The following IRS2 variants were observed in gnomAD, a reference collection of about 807,000 sequenced individuals.
The protein encoded by IRS2 is insulin receptor substrate 2.
Under a neutral mutation model 70.9 loss-of-function variants are expected in IRS2, and 28 were observed. The observed-to-expected ratio is 0.39, with a 90% CI of 0.29 to 0.54. The LOEUF is 0.54. Ranked by LOEUF, IRS2 falls within the 20% of genes least tolerant of loss-of-function variation. The probability of loss-of-function intolerance (pLI) is 0.59; values close to 1 mark genes in which losing one functional copy is unlikely to be tolerated. For missense variants in IRS2, 2,081 were observed against 2,024.1 expected (o/e 1.03, Z -0.54); for synonymous variants, 1,217 against 981.9 (o/e 1.24, Z -4.48).
In IRS2 at chr13:109,782,989, G is replaced by A. The variant is rs2138931362; in HGVS notation, c.3065C>T (p.Ser1022Phe). ...CTGCAGAGACGACGACGGGGACGCGGACGGACGCGGGGGCAACGGCGGATA... is the reference window on the plus strand; with the variant it reads ...CTGCAGAGACGACGACGGGGACGCGAACGGACGCGGGGGCAACGGCGGATA... ...SPYPPLPPRPSASPSSSLQPP... is the reference protein window; with the variant it reads ...SPYPPLPPRPFASPSSSLQPP... The change falls in exon 1 of 2, where the codon TCC (serine) becomes TTC (phenylalanine). Residue 1022 changes from serine (S) to phenylalanine (F), a missense_variant. By Grantham distance (155) the Ser-to-Phe change is radical. This residue lies in a region of IRS2 where 1,615 missense variants were observed against 1,459.5 expected (regional missense o/e 1.11). Transcript: ENST00000375856. 2 of 1,378,962 alleles carry A rather than the reference G, an allele frequency of 1.5e-6. No individual in the cohort carries two copies. Among genetic ancestry groups the A allele is most frequent in the Non-Finnish European group, 1.9e-6 (2 of 1,070,754 alleles). 85.4% of individuals were successfully genotyped at this position (1,378,962 alleles called of 1,614,324 possible). A position where few individuals can be genotyped will look rare whatever the true frequency, so the allele number is the denominator to read the frequency against.
At chr13:109,768,699 A>G (rs954998440) in intron 1 of IRS2, among the ~76,000 whole-genome samples, 2 of 152,158 alleles carry the variant, frequency 1.3e-5, no homozygotes, top group Admixed American at 6.5e-5. Flanking sequence ...AGTCTGTCAG[A>G]GGGAAAGACC....
chr13:109,773,520 T>C (rs1176790241), intron 1 of IRS2, among the ~76,000 whole-genome samples: 2 of 152,232 alleles, frequency 1.3e-5, no homozygotes, highest in African/African-American at 4.8e-5. Flanking sequence ...CAGAGCCGCC[T>C]TCAATTCTGC....
Position 109,782,997 on chromosome 13 carries a change from C to T in IRS2, c.3057G>A (p.Pro1019=), listed in dbSNP as rs1234454324. The T allele has an allele frequency of 1.8e-5, 25 of 1,367,454 alleles. No individual in the cohort carries two copies. The highest frequency in any genetic ancestry group is 5.4e-5 in the South Asian group (3 of 55,832). 84.7% of individuals were successfully genotyped at this position (1,367,454 alleles called of 1,614,324 possible). The stretch of plus-strand genomic sequence containing the variant: ...ACGACGACGGGGACGCGGACGGACG[C>T]GGGGGCAACGGCGGATACGGGGAGG... ...EASSPYPPLP[P]RPSASPSSSL... is the part of the protein sequence containing the mutation. Residue 1019 remains proline, a synonymous_variant, in exon 1 of 2, where the codon CCG becomes CCA. Transcript: ENST00000375856.
chr13:109,770,471 A>G (rs1270001495), intron 1 of IRS2, among the ~76,000 whole-genome samples: 2 of 152,140 alleles, frequency 1.3e-5, no homozygotes, highest in Non-Finnish European at 2.9e-5. Context: ...AAACTTACAA[A>G]CACTACCTCA....
At position 109,783,362 on chromosome 13, in the gene IRS2, G is replaced by A. The variant is rs1167918399; in HGVS notation, c.2692C>T (p.Leu898=). 2 of 1,544,440 alleles carry A rather than the reference G, an allele frequency of 1.3e-6. No individual in the cohort carries two copies. Among genetic ancestry groups the A allele is most frequent in the Admixed American group, 3.8e-5 (2 of 53,176 alleles). The stretch of plus-strand genomic sequence containing the variant: ...TCGTGCATGCTGGGCAGGCTGGGCA[G>A]CCCCTCCAGGGACAGGCGCGTGGGC... ...VRPTRLSLEG[L]PSLPSMHEYP... is the part of the protein sequence containing the mutation. Residue 898 remains leucine (L), a synonymous_variant, in exon 1 of 2, where the codon CTG becomes TTG. Coordinates refer to ENST00000375856, the MANE Select transcript of IRS2 (RefSeq NM_003749.3).
At chr13:109,780,502 G>T (rs192193237) in intron 1 of IRS2, among the ~76,000 whole-genome samples, 1 of 152,064 alleles carries the variant, frequency 6.6e-6, no homozygotes, top group African/African-American at 2.4e-5. Flanking sequence ...TCTAGTATAC[G>T]GTTTTAATAA....
chr13:109,777,266 AAAAC>A (rs1435509294), intron 1 of IRS2, among the ~76,000 whole-genome samples: 5 of 152,316 alleles, frequency 3.3e-5, no homozygotes, highest in East Asian at 3.9e-4. Flanking sequence ...GAAAAAAACC[AAAAC>A]AAACAAACAA....
At chr13:109,780,049 C>G (rs921395823) in intron 1 of IRS2, among the ~76,000 whole-genome samples, 1 of 152,164 alleles carries the variant, frequency 6.6e-6, no homozygotes, top group African/African-American at 2.4e-5. Context: ...GGCACAAATT[C>G]CAGCTTATGG....
chr13:109,754,922 T>C lies in IRS2; in HGVS notation c.*1382A>G, dbSNP rs574010719. On this transcript the variant is annotated 3_prime_UTR_variant, in exon 2 of 2. Transcript: ENST00000375856. ...ACCTCTCCATGACTATCAGAGAAGA[T>C]AGGCACTGGGGAAGCCCCCACGGGA... is the stretch of plus-strand genomic sequence containing the variant. The C allele has an allele frequency of 1.4e-5, 3 of 218,638 alleles. No homozygotes were observed. Among genetic ancestry groups the C allele is most frequent in the South Asian group, 1.9e-4 (1 of 5,396 alleles). The allele number at this position is 218,638 out of a possible 1,614,324, so 13.5% of individuals were successfully genotyped here.
At position 109,784,852 on chromosome 13, in the gene IRS2, C is replaced by A. The variant is rs1877865738; in HGVS notation, c.1202G>T (p.Arg401Leu). 1.6e-6 allele frequency: 2 copies of A among 1,223,162 alleles called. No individual in the cohort carries two copies. Among genetic ancestry groups the A allele is most frequent in the East Asian group, 4.1e-5 (1 of 24,482 alleles). 75.8% of individuals were successfully genotyped at this position (1,223,162 alleles called of 1,614,324 possible). Residue 401 changes from arginine (R) to leucine (L), a missense_variant, in exon 1 of 2, where the codon CGC becomes CTC. By Grantham distance (102) the Arg-to-Leu change is moderately radical. This residue lies in a region of IRS2 where 1,615 missense variants were observed against 1,459.5 expected (regional missense o/e 1.11). Coordinates refer to ENST00000375856, the MANE Select transcript of IRS2 (RefSeq NM_003749.3). The surrounding 1 kb of genome is among the most constrained non-coding windows in gnomAD (Gnocchi z 5.2). ...GCAGCCGCCGCTCAGGGTGTGCGAG[C>A]GGCTCAGGGGCGCGCGCACCGGCCC... ...SPGPVRAPLS[R>L]SHTLSGGCGG... is the part of the protein sequence containing the mutation.
In IRS2 at chr13:109,782,947, G is replaced by A. The variant is rs1425650470; in HGVS notation, c.3107C>T (p.Pro1036Leu). ...SSSLQPPPPP[P>L]APGELYRLPP... ...CAGGCGGTACAGCTCCCCCGGGGCC[G>A]GCGGCGGTGGCGGCGGCTGCAGAGA... The change falls in exon 1 of 2, where the codon CCG becomes CTG. Residue 1036 changes from proline (P) to leucine (L), a missense_variant. Around this residue, in one of 4 missense-constraint regions of IRS2, gnomAD observed 1,615 missense variants for 1,459.5 expected, o/e 1.11. Transcript: ENST00000375856. 3 of 1,433,176 alleles carry A rather than the reference G, an allele frequency of 2.1e-6. No homozygotes were observed. Among genetic ancestry groups the A allele is most frequent in the South Asian group, 3.1e-5 (2 of 65,206 alleles). The allele number at this position is 1,433,176 out of a possible 1,614,324, so 88.8% of individuals were successfully genotyped here. A position where few individuals can be genotyped will look rare whatever the true frequency, so the allele number is the denominator to read the frequency against.
rs1206075192 is a variant in IRS2, at chr13:109,755,396, G to C, written c.*908C>G. The stretch of plus-strand genomic sequence containing the variant: ...AAAGGCATGCCCAAGATTCAGGAGA[G>C]CAGAGACATCTGAGCTTGTAAATAG... On this transcript the variant is annotated 3_prime_UTR_variant, in exon 2 of 2. Transcript: ENST00000375856. The C allele has an allele frequency of 4.4e-6, 1 of 226,452 alleles. No homozygotes were observed. Among genetic ancestry groups the C allele is most frequent in the African/African-American group, 2.2e-5 (1 of 44,938 alleles). 14.0% of individuals were successfully genotyped at this position (226,452 alleles called of 1,614,324 possible).
intron 1 of IRS2, among the ~76,000 whole-genome samples, chr13:109,781,709 G>A (rs1254385428): frequency 1.3e-5 from 2 of 152,116 alleles, no homozygotes; most frequent in African/African-American, 4.8e-5. Context: ...GGTGCCCCGC[G>A]GCCTCTAGTG....
In IRS2 at chr13:109,784,003, G is replaced by C; in HGVS notation, c.2051C>G (p.Ser684Cys). 6.5e-7 allele frequency: 1 copy of C among 1,534,524 alleles called. No individual in the cohort carries two copies. Among genetic ancestry groups the C allele is most frequent in the East Asian group, 2.5e-5 (1 of 40,702 alleles). ...GGGCTGCAAGATCTGCTTGGGGGCG[G>C]ACACGCTGGCGGGGCTCATGGGCAT... Reference protein sequence around the residue: ...DYMPMSPASVSAPKQILQPRA... With the variant: ...DYMPMSPASVCAPKQILQPRA... The change falls in exon 1 of 2, where the codon TCC becomes TGC. Residue 684 changes from serine (S) to cysteine (C), a missense_variant. By Grantham distance (112) the Ser-to-Cys change is moderately radical. Coordinates refer to ENST00000375856, the MANE Select transcript of IRS2 (RefSeq NM_003749.3). The surrounding 1 kb of genome is among the most constrained non-coding windows in gnomAD (Gnocchi z 5.2).
In IRS2 at chr13:109,783,397, C is replaced by T. The variant is rs750437142; in HGVS notation, c.2657G>A (p.Arg886Gln). ...GGACAGGCGCGTGGGCCTCACCGCCCGGCCGCGCTGGCCCAAGAAGCCCTC... is the reference window on the plus strand; with the variant it reads ...GGACAGGCGCGTGGGCCTCACCGCCTGGCCGCGCTGGCCCAAGAAGCCCTC... ...RPEGFLGQRG[R>Q]AVRPTRLSLE... The change falls in exon 1 of 2, where the codon CGG becomes CAG. Residue 886 changes from arginine (R) to glutamine (Q), a missense_variant. Arg to Gln is a conservative substitution (Grantham distance 43). Transcript: ENST00000375856. The T allele has an allele frequency of 3.2e-5, 47 of 1,482,198 alleles. No homozygotes were observed. Among genetic ancestry groups the T allele is most frequent in the Non-Finnish European group, 3.8e-5 (43 of 1,126,992 alleles). 91.8% of individuals were successfully genotyped at this position (1,482,198 alleles called of 1,614,324 possible). A position where few individuals can be genotyped will look rare whatever the true frequency, so the allele number is the denominator to read the frequency against.
At position 109,782,956 on chromosome 13, in the gene IRS2, G is replaced by A. The variant is rs1260159870; in HGVS notation, c.3098C>T (p.Pro1033Leu). ...CAGCTCCCCCGGGGCCGGCGGCGGT[G>A]GCGGCGGCTGCAGAGACGACGACGG... The part of the protein sequence containing the change: ...ASPSSSLQPP[P>L]PPPAPGELYR... Residue 1033 changes from proline to leucine, a missense_variant, in exon 1 of 2, where the codon CCA (proline) becomes CTA (leucine). Physicochemically the swap from Pro to Leu is moderately conservative, Grantham distance 98 (BLOSUM62 -3). Transcript: ENST00000375856. 4 of 1,415,120 alleles carry A rather than the reference G, an allele frequency of 2.8e-6. No individual in the cohort carries two copies. The highest frequency in any genetic ancestry group is 1.5e-5 in the African/African-American group (1 of 64,952). The allele number at this position is 1,415,120 out of a possible 1,614,324, so 87.7% of individuals were successfully genotyped here. A position where few individuals can be genotyped will look rare whatever the true frequency, so the allele number is the denominator to read the frequency against.
Position 109,784,027 on chromosome 13 carries a change from A to T in IRS2, c.2027T>A (p.Met676Lys), listed in dbSNP as rs1420551731. ...GSGSCRSDDY[M>K]PMSPASVSAP... Reference sequence around the variant, plus strand: ...GGACACGCTGGCGGGGCTCATGGGCATGTAGTCGTCGCTCCTGCAGCTGCC... The same window carrying T: ...GGACACGCTGGCGGGGCTCATGGGCTTGTAGTCGTCGCTCCTGCAGCTGCC... The change falls in exon 1 of 2, where the codon ATG becomes AAG. Residue 676 changes from methionine to lysine, a missense_variant. Physicochemically the swap from Met to Lys is moderately conservative, Grantham distance 95. Transcript: ENST00000375856. This position sits in a 1 kb window ranked among gnomAD's most constrained non-coding sequence, Gnocchi z 5.2. 1 of 1,539,442 alleles carries T rather than the reference A, an allele frequency of 6.5e-7. No homozygotes were observed. Among genetic ancestry groups the T allele is most frequent in the African/African-American group, 1.4e-5 (1 of 73,198 alleles).
At chr13:109,760,609 G>A (rs1877205393) in intron 1 of IRS2, among the ~76,000 whole-genome samples, 5 of 152,160 alleles carry the variant, frequency 3.3e-5, no homozygotes, top group South Asian at 2.1e-4. Context: ...ACATTCATAC[G>A]TGGGATACAG....
At chr13:109,761,034 T>A (rs1877213635) in intron 1 of IRS2, among the ~76,000 whole-genome samples, 1 of 152,246 alleles carries the variant, frequency 6.6e-6, no homozygotes, top group Admixed American at 6.5e-5. Flanking sequence ...TTCTTCATAA[T>A]TTCTCCTGAC....
Sources: allele counts gnomAD v4.1 joint callset (sites outside exome capture counted in the v4.1 genomes callset), GRCh38; gene constraint gnomAD v4.1.1; regional missense constraint gnomAD v4.1.1; non-coding constraint Gnocchi (gnomAD v3.1); transcripts MANE v1.5; gene names NCBI Gene and HGNC (gene_info 2026-07-23, HGNC 2026-07-21).